The following PSMA6 variants were observed in gnomAD, a reference collection of about 807,000 sequenced individuals.
PSMA6 encodes the protein proteasome subunit alpha type-6.
For synonymous variants in PSMA6, 88 were observed against 97.7 expected (o/e 0.90, Z 0.59); for missense variants, 170 against 294.8 (o/e 0.58, Z 3.10).
Position 35,284,455 on chromosome 14 carries a change from T to C in PSMA6, c.19+5737T>C, listed in dbSNP as rs372010942. On this transcript the variant is annotated intron_variant, in intron 1 of 6. Coordinates refer to the PSMA6 transcript ENST00000540871. The stretch of plus-strand genomic sequence containing the variant: ...CTCTGTTACACATTTCCTTGTGTAT[T>C]ACGGACTACCTCATGTTAGCTTTGC... 3.3e-4 allele frequency among the ~76,000 whole-genome samples: 51 copies of C among 152,304 alleles called. No homozygotes were observed. The South Asian group carries it at 0.011, about 32-fold the overall frequency.
At chr14:35,303,531 C>G in intron 1 of PSMA6, among the ~76,000 whole-genome samples, 1 of 152,182 alleles carries the variant, frequency 6.6e-6, no homozygotes, top group East Asian at 1.9e-4. Flanking sequence ...CATGCCATTC[C>G]TTTCTCCCAA....
At chr14:35,290,339 A>G (rs2051463966), upstream of PSMA6, among the ~76,000 whole-genome samples, 1 of 152,140 alleles carries the variant, frequency 6.6e-6, no homozygotes, top group South Asian at 2.1e-4. Flanking sequence ...GAGAAGACAA[A>G]AGTCTTCAAA....
At chr14:35,294,109 A>G (rs2138716291) in intron 1 of PSMA6, among the ~76,000 whole-genome samples, 1 of 152,340 alleles carries the variant, frequency 6.6e-6, no homozygotes, top group African/African-American at 2.4e-5. Context: ...CAATGGCGCG[A>G]TCTCGGCTCC....
Position 35,308,088 on chromosome 14 carries a change from T to G in PSMA6, c.171T>G (p.Pro57=), listed in dbSNP as rs1256311167. The change falls in exon 2 of 7, where the codon CCT becomes CCG. Residue 57 remains proline, a splice_region_variant and synonymous_variant. Transcript: ENST00000261479. ...CAVIVTQKKV[P]DKLLDSSTVT... ...TAATTGTCACACAGAAGAAAGTACC[T>G]GTAAGTAATACTGCCCAAATAGTTA... is the stretch of plus-strand genomic sequence containing the variant. The G allele has an allele frequency of 6.2e-7, 1 of 1,613,508 alleles. No individual in the cohort carries two copies. Among genetic ancestry groups the G allele is most frequent in the Non-Finnish European group, 8.5e-7 (1 of 1,179,626 alleles).
At position 35,312,328 on chromosome 14, in the gene PSMA6, A is replaced by C. The variant is rs1269880248; in HGVS notation, c.410-553A>C. ...AAGACCAGTCCTGGCTAACACGGCG[A>C]AACCCGGTCTCTACTAAAAACACAA... is the stretch of plus-strand genomic sequence containing the variant. On this transcript the variant is annotated intron_variant, in intron 4 of 6. Transcript: ENST00000261479. 2.4e-4 allele frequency among the ~76,000 whole-genome samples: 36 copies of C among 151,988 alleles called. 1 individual carries two copies. The highest frequency in any genetic ancestry group is 1.5e-5 in the Non-Finnish European group (1 of 67,992).
chr14:35,313,930 G>C (rs2051989904), intron 5 of PSMA6: 1 of 152,866 alleles, frequency 6.5e-6, no homozygotes, highest in Non-Finnish European at 1.5e-5. Context: ...CTGCACTCCA[G>C]ACTGAGCGAC....
chr14:35,308,151 G>C (rs2051866802), intron 2 of PSMA6, 63 bp downstream of exon 2: 7 of 1,584,958 alleles, frequency 4.4e-6, no homozygotes, highest in Non-Finnish European at 6.0e-6. Flanking sequence ...GCCAAGTGCA[G>C]TGGCTCACAC....
intron 1 of PSMA6, among the ~76,000 whole-genome samples, chr14:35,284,308 C>T (rs138305563): frequency 1.3e-4 from 20 of 152,234 alleles, no homozygotes; most frequent in Middle Eastern, 3.4e-3. Context: ...TAACATTGCT[C>T]TTAACACACC....
chr14:35,310,976 C>T (rs572802104), intron 4 of PSMA6, 81 bp downstream of exon 4: 1 of 1,371,150 alleles, frequency 7.3e-7, no homozygotes, highest in African/African-American at 1.5e-5. Context: ...ATTTAAATAA[C>T]ACTTGAGTTC....
At chr14:35,299,681 A>T (rs889214105) in intron 1 of PSMA6, among the ~76,000 whole-genome samples, 8 of 152,046 alleles carry the variant, frequency 5.3e-5, no homozygotes, top group African/African-American at 1.9e-4. Context: ...CTAAACCATG[A>T]TACTACTGTT....
chr14:35,291,747 C>G (rs1281679574), upstream of PSMA6, among the ~76,000 whole-genome samples: 2 of 145,088 alleles, frequency 1.4e-5, no homozygotes, highest in East Asian at 2.0e-4. Flanking sequence ...CGCTTGAACT[C>G]AGGAGGGGGA....
At chr14:35,315,189 TTTTAAC>T (rs2052023035) in intron 6 of PSMA6, 1 of 152,094 alleles carries the variant, frequency 6.6e-6, no homozygotes. Flanking sequence ...CTGGGAGGCA[TTTTAAC>T]TATTATGTGT....
intron 1 of PSMA6, among the ~76,000 whole-genome samples, chr14:35,295,858 C>T (rs1486976120): frequency 6.6e-6 from 1 of 152,084 alleles, no homozygotes; most frequent in Non-Finnish European, 1.5e-5. Flanking sequence ...CAGGAATTGC[C>T]CAAGTTACTA....
At chr14:35,280,737 G>T (rs543675454) in intron 1 of PSMA6, among the ~76,000 whole-genome samples, 1 of 151,772 alleles carries the variant, frequency 6.6e-6, no homozygotes, top group Non-Finnish European at 1.5e-5. Flanking sequence ...GTTTGTTTTC[G>T]AAATGGGGTC....
chr14:35,315,422 G>A (rs560907877), intron 6 of PSMA6: 2 of 151,974 alleles, frequency 1.3e-5, no homozygotes, highest in East Asian at 3.9e-4. Context: ...GCTGGGTGCT[G>A]TGGCATGCAT....
At chr14:35,285,351 A>AAAAC (rs1428738361) in intron 1 of PSMA6, among the ~76,000 whole-genome samples, 142 of 38,980 alleles carry the variant, frequency 3.6e-3, no homozygotes, top group Admixed American at 4.8e-3. Context: ...AAAAAAACAA[A>AAAAC]AAACAAAAAA....
chr14:35,297,840 G>A (rs543880838), intron 1 of PSMA6, among the ~76,000 whole-genome samples: 1 of 152,260 alleles, frequency 6.6e-6, no homozygotes, highest in South Asian at 2.1e-4. Context: ...TTTATGTTTA[G>A]CCACTGTATT....
intron 1 of PSMA6, 44 bp downstream of exon 1, chr14:35,292,596 T>TCG (rs1343600410): frequency 6.2e-7 from 1 of 1,606,420 alleles, no homozygotes; most frequent in African/African-American, 1.3e-5. Flanking sequence ...AATTGCCCTG[T>TCG]CATGGTACGT....
intron 4 of PSMA6, 141 bp from the exon 5 acceptor site, chr14:35,312,740 T>A (rs530017075): frequency 3.1e-6 from 2 of 652,078 alleles, no homozygotes; most frequent in East Asian, 3.0e-5. Flanking sequence ...CTGTATTTTA[T>A]CAGTTTTCTT....
Sources: gnomAD v4.1 joint callset for allele counts (sites outside exome capture counted in the v4.1 genomes callset) on GRCh38, gnomAD v4.1.1 for gene constraint, MANE v1.5 for transcripts, NCBI Gene and HGNC (gene_info 2026-07-23, HGNC 2026-07-21) for gene names.